TSEN54: variants seen among roughly 807,000 people sequenced by gnomAD.
The protein encoded by TSEN54 is tRNA splicing endonuclease subunit 54, also known as tRNA-splicing endonuclease subunit Sen54.
A neutral mutation model predicts 61.9 loss-of-function variants in TSEN54; 55 were observed. The observed-to-expected ratio is 0.89, with a 90% CI of 0.72 to 1.11. The LOEUF is 1.11. Among genes scored for constraint, TSEN54 ranks in the 50% most tolerant of loss-of-function variants. The probability of loss-of-function intolerance (pLI) is 0.00; values close to 1 mark genes in which losing one functional copy is unlikely to be tolerated. For missense variants in TSEN54, 760 were observed against 687.7 expected, an observed-to-expected ratio of 1.11 and a Z score of -1.18; for synonymous variants, 304 against 288.7, an observed-to-expected ratio of 1.05 and a Z score of -0.54.
Position 75,519,032 on chromosome 17 carries a change from G to A in TSEN54, c.506G>A (p.Arg169Gln), listed in dbSNP as rs768076552. The A allele has an allele frequency of 1.7e-5, 27 of 1,613,512 alleles. No homozygotes were observed. Among genetic ancestry groups the A allele is most frequent in the South Asian group, 2.2e-5 (2 of 91,052 alleles). The change falls in exon 6 of 11, where the codon CGA becomes CAA. Residue 169 changes from arginine to glutamine, a missense_variant. Physicochemically the swap from Arg to Gln is conservative, Grantham distance 43 (BLOSUM62 1). Around this residue, in one of 3 missense-constraint regions of TSEN54, gnomAD observed 667 missense variants for 577.8 expected, o/e 1.15. Coordinates refer to ENST00000333213, the MANE Select transcript of TSEN54 (RefSeq NM_207346.3). Reference sequence around the variant, plus strand: ...CTGAAGAGGTTGGGTTATGTGGTTCGACGATTCCAACCAAGGTAAATCCCC... The same window carrying A: ...CTGAAGAGGTTGGGTTATGTGGTTCAACGATTCCAACCAAGGTAAATCCCC... Reference protein sequence around the residue: ...SHLKRLGYVVRRFQPSSVLSP... With the variant: ...SHLKRLGYVVQRFQPSSVLSP...
chr17:75,522,484 C>G, intron 8 of TSEN54, 151 bp downstream of exon 8: 1 of 1,495,188 alleles, frequency 6.7e-7, no homozygotes. Flanking sequence ...AGTTCTCCGG[C>G]GGCTGCAGCA....
At chr17:75,516,644 G>T in intron 1 of TSEN54, 28 bp downstream of exon 1, 1 of 1,234,074 alleles carries the variant, frequency 8.1e-7, no homozygotes, top group Non-Finnish European at 1.0e-6. Flanking sequence ...CGGAGTGGGT[G>T]TCGGGGGCGC....
At chr17:75,518,141 C>T (rs2053392937) in intron 5 of TSEN54, among the ~76,000 whole-genome samples, 1 of 152,102 alleles carries the variant, frequency 6.6e-6, no homozygotes, top group African/African-American at 2.4e-5. Flanking sequence ...CAAGACCAGT[C>T]GAAAGAACTG....
In TSEN54 at chr17:75,521,790, C is replaced by T. The variant is rs745470927; in HGVS notation, c.709C>T (p.Pro237Ser). ...AASSPPPCSQPSQCPEEKPQE... is the reference protein window; with the variant it reads ...AASSPPPCSQSSQCPEEKPQE... ...CTCCAGCCCACCTCCCTGCAGCCAGCCCAGCCAATGCCCAGAGGAGAAACC... is the reference window on the plus strand; with the variant it reads ...CTCCAGCCCACCTCCCTGCAGCCAGTCCAGCCAATGCCCAGAGGAGAAACC... The change falls in exon 8 of 11, where the codon CCC (proline) becomes TCC (serine). Residue 237 changes from proline (P) to serine (S), a missense_variant. Pro to Ser is a moderately conservative substitution (Grantham distance 74). Coordinates refer to ENST00000333213, the MANE Select transcript of TSEN54 (RefSeq NM_207346.3). 10 of 1,613,038 alleles carry T rather than the reference C, an allele frequency of 6.2e-6. No individual in the cohort carries two copies. The African/African-American group carries it at 1.2e-4, about 19-fold the overall frequency.
chr17:75,519,207 C>T (rs1008573628), intron 6 of TSEN54, among the ~76,000 whole-genome samples, 160 bp downstream of exon 6: 1 of 152,108 alleles, frequency 6.6e-6, no homozygotes, highest in African/African-American at 2.4e-5. Context: ...CTGAGAGAGG[C>T]AGGTTGGGAG....
At chr17:75,522,376 T>C (rs2053438557) in intron 8 of TSEN54, 43 bp downstream of exon 8, 2 of 1,539,750 alleles carry the variant, frequency 1.3e-6, no homozygotes, top group Non-Finnish European at 1.7e-6. Context: ...CACTGGCAGC[T>C]GAGGAATCAC....
rs1172442313 is a variant in TSEN54 at position 75,516,765 on chromosome 17, G to T, written c.76G>T (p.Ala26Ser). Reference sequence around the variant, plus strand: ...CCCCAGCGCCCGGGAGCTCTTCGCCGCCCGCTCGCGGTCGCAGAAGCTGCC... The same window carrying T: ...CCCCAGCGCCCGGGAGCTCTTCGCCTCCCGCTCGCGGTCGCAGAAGCTGCC... ...RVLSARELFA[A>S]RSRSQKLPQR... The change falls in exon 2 of 11, where the codon GCC becomes TCC. Residue 26 changes from alanine to serine, a missense_variant. Transcript: ENST00000333213. 1.9e-6 allele frequency: 3 copies of T among 1,575,028 alleles called. No individual in the cohort carries two copies. Among genetic ancestry groups the T allele is most frequent in the Non-Finnish European group, 2.6e-6 (3 of 1,168,844 alleles).
chr17:75,517,475 G>T, intron 4 of TSEN54, 82 bp from the exon 5 acceptor site: 1 of 1,301,572 alleles, frequency 7.7e-7, no homozygotes, highest in Non-Finnish European at 1.1e-6. Flanking sequence ...GGAGGGGGAG[G>T]TATCAGAGCT....
Position 75,516,993 on chromosome 17 carries a change from C to T in TSEN54, c.222-16C>T, listed in dbSNP as rs1373599937. 4 of 1,571,452 alleles carry T rather than the reference C, an allele frequency of 2.5e-6. No homozygotes were observed. Among genetic ancestry groups the T allele is most frequent in the African/African-American group, 2.7e-5 (2 of 73,944 alleles). On this transcript the variant is annotated splice_polypyrimidine_tract_variant and intron_variant, in intron 2 of 10. Coordinates refer to ENST00000333213, the MANE Select transcript of TSEN54 (RefSeq NM_207346.3). ...CCGGAATGGACTGACGCAGACCCCT[C>T]CCCACTCCTCGCCAGGGGCAGCTTG...
intron 1 of TSEN54, 23 bp from the exon 2 acceptor site, chr17:75,516,723 C>T: frequency 6.6e-7 from 1 of 1,506,492 alleles, no homozygotes; most frequent in African/African-American, 1.5e-5. Context: ...GCGGCGCTGA[C>T]CCCGCGTCCC....
chr17:75,523,653 G>A lies in TSEN54; in HGVS notation c.1314-10G>A. On this transcript the variant is annotated splice_polypyrimidine_tract_variant and intron_variant, in intron 9 of 10. Coordinates refer to ENST00000333213, the MANE Select transcript of TSEN54 (RefSeq NM_207346.3). ...AGTTCATGTCATAACGTTTCTCATT[G>A]TATTGTCAGGCTGTTGGAGAAGTCT... is the stretch of plus-strand genomic sequence containing the variant. 2.5e-6 allele frequency: 4 copies of A among 1,614,180 alleles called. No individual in the cohort carries two copies. The highest frequency in any genetic ancestry group is 3.4e-6 in the Non-Finnish European group (4 of 1,180,034).
Position 75,523,524 on chromosome 17 carries a change from C to T in TSEN54, c.1314-139C>T. The T allele has an allele frequency of 1.9e-6, 3 of 1,605,236 alleles. 1 individual carries two copies. The highest frequency in any genetic ancestry group is 2.2e-5 in the South Asian group (2 of 89,932). The stretch of plus-strand genomic sequence containing the variant: ...GAGGGAGAATAACCAGTGGGTTAGC[C>T]CAAGGGTTCAGAGCCCCCAACCCTC... On this transcript the variant is annotated intron_variant, in intron 9 of 10. Transcript: ENST00000333213.
At chr17:75,518,251 G>A (rs2053394039) in intron 5 of TSEN54, among the ~76,000 whole-genome samples, 1 of 152,218 alleles carries the variant, frequency 6.6e-6, no homozygotes, top group South Asian at 2.1e-4. Context: ...GAGAGGTCAA[G>A]GCTAGATGTA....
Position 75,516,571 on chromosome 17 carries a change from A to ATCC in TSEN54, c.11_12insTCC (p.Glu4delinsAspPro). 1 of 1,150,152 alleles carries ATCC rather than the reference A, an allele frequency of 8.7e-7. No individual in the cohort carries two copies. The highest frequency in any genetic ancestry group is 1.1e-6 in the Non-Finnish European group (1 of 937,324). The allele number at this position is 1,150,152 out of a possible 1,614,324, so 71.2% of individuals were successfully genotyped here. A position where few individuals can be genotyped will look rare whatever the true frequency, so the allele number is the denominator to read the frequency against. On this transcript the variant is annotated protein_altering_variant, in exon 1 of 11. Coordinates refer to ENST00000333213, the MANE Select transcript of TSEN54 (RefSeq NM_207346.3). ...GCAGGCGGCGGCGGGATGGAGCCCG[A>ATCC]GCCCGAGCCCGCGGCCGTGGAGGTT...
rs1029818368 is a variant in TSEN54, at chr17:75,522,474, A to C, written c.1252+141A>C. ...AGGGAGTGGACCCACAAGCACGGTC[A>C]GTTCTCCGGCGGCTGCAGCAGGGCC... On this transcript the variant is annotated intron_variant, in intron 8 of 10. Coordinates refer to ENST00000333213, the MANE Select transcript of TSEN54 (RefSeq NM_207346.3). 4.0e-6 allele frequency: 6 copies of C among 1,506,524 alleles called. No homozygotes were observed. The African/African-American group carries it at 5.5e-5, about 14-fold the overall frequency. The allele number at this position is 1,506,524 out of a possible 1,614,324, so 93.3% of individuals were successfully genotyped here. A position where few individuals can be genotyped will look rare whatever the true frequency, so the allele number is the denominator to read the frequency against.
At chr17:75,523,613 AAGGTT>A (rs1461358543) in intron 9 of TSEN54, 45 bp from the exon 10 acceptor site, 3 of 1,613,862 alleles carry the variant, frequency 1.9e-6, no homozygotes, top group Non-Finnish European at 2.5e-6. Context: ...ATGGAAAAGA[AAGGTT>A]GGGGAGAAGA....
At chr17:75,519,584 A>G (rs573261844) in intron 6 of TSEN54, among the ~76,000 whole-genome samples, 5 of 152,126 alleles carry the variant, frequency 3.3e-5, no homozygotes, top group Non-Finnish European at 7.4e-5. Flanking sequence ...TCTTTTTGAG[A>G]CGGAGTCTCA....
intron 2 of TSEN54, 23 bp downstream of exon 2, chr17:75,516,933 T>TA: frequency 6.5e-7 from 1 of 1,538,008 alleles, no homozygotes; most frequent in South Asian, 1.2e-5. Context: ...GGCCCAGGGG[T>TA]AAGGGAAGCG....
chr17:75,524,190 C>A, intron 10 of TSEN54, 72 bp from the exon 11 acceptor site: 1 of 1,605,206 alleles, frequency 6.2e-7, no homozygotes, highest in South Asian at 1.1e-5. Flanking sequence ...TCCGTAGAAT[C>A]TCTTCTCTGG....
Sources: allele counts gnomAD v4.1 joint callset (sites outside exome capture counted in the v4.1 genomes callset), GRCh38; gene constraint gnomAD v4.1.1; regional missense constraint gnomAD v4.1.1; transcripts MANE v1.5; gene names NCBI Gene and HGNC (gene_info 2026-07-23, HGNC 2026-07-21).